CNTN6: variants seen among roughly 807,000 people sequenced by gnomAD.
CNTN6 encodes contactin 6.
In CNTN6, 137 loss-of-function variants were observed where a neutral mutation model predicts 122.8. The observed-to-expected ratio is 1.12, with a 90% CI of 0.97 to 1.29. CNTN6 has a LOEUF of 1.29. CNTN6 is among the 50% of genes most tolerant of loss of function. The pLI, the probability that CNTN6 is intolerant of heterozygous loss-of-function variation, is 0.00. For synonymous variants in CNTN6, 570 were observed against 426.0 expected, an observed-to-expected ratio of 1.34 and a Z score of -4.16; for missense variants, 1,634 against 1,223.4, an observed-to-expected ratio of 1.34 and a Z score of -5.01.
rs556980108 is a variant in CNTN6 at position 1,361,521 on chromosome 3, T to G, written c.1492+9070T>G. ...TTAGTACATTTCTATGTTAGGAATC[T>G]CTACTTCTGTCCAAAATTATACTTA... is the stretch of plus-strand genomic sequence containing the variant. On this transcript the variant is annotated intron_variant, in intron 12 of 22. Coordinates refer to ENST00000446702, the MANE Select transcript of CNTN6 (RefSeq NM_001289080.2). Among the ~76,000 whole-genome samples, 7 of 152,282 alleles carry G rather than the reference T, an allele frequency of 4.6e-5. No homozygotes were observed. In the South Asian group the frequency reaches 1.2e-3, roughly 27 times the overall value.
intron 2 of CNTN6, among the ~76,000 whole-genome samples, chr3:1,206,261 TC>T (rs535062865): frequency 7.2e-4 from 109 of 152,222 alleles, no homozygotes; most frequent in Admixed American, 1.6e-3. Context: ...ATCATCTGTC[TC>T]AGCTGATGAT....
intron 12 of CNTN6, among the ~76,000 whole-genome samples, chr3:1,360,162 T>C (rs990899796): frequency 6.6e-6 from 1 of 152,140 alleles, no homozygotes; most frequent in African/African-American, 2.4e-5. Context: ...TGGTTTAGTT[T>C]GAAGTAGAAT....
At chr3:1,321,909 C>T (rs1700915894) in intron 8 of CNTN6, 75 bp downstream of exon 8, 3 of 1,295,208 alleles carry the variant, frequency 2.3e-6, no homozygotes, top group South Asian at 1.5e-5. Context: ...AAGTCATTAG[C>T]ATGTTGTGAA....
chr3:1,099,208 T>A (rs111950159), intron 1 of CNTN6, among the ~76,000 whole-genome samples: 1 of 152,108 alleles, frequency 6.6e-6, no homozygotes, highest in Admixed American at 6.6e-5. Flanking sequence ...TCCCAGCACT[T>A]TGGGAGGCCG....
chr3:1,402,587 TGATAA>T, intron 22 of CNTN6, 101 bp downstream of exon 22: 1 of 984,840 alleles, frequency 1.0e-6, no homozygotes, highest in Non-Finnish European at 1.4e-6. Context: ...AAATGTTGGG[TGATAA>T]GATAAATTTT....
At chr3:1,261,418 A>C (rs2125708306) in intron 4 of CNTN6, among the ~76,000 whole-genome samples, 1 of 152,272 alleles carries the variant, frequency 6.6e-6, no homozygotes, top group South Asian at 2.1e-4. Context: ...ACAGCTATCA[A>C]GCACATCTCA....
rs531023205 is a variant in CNTN6, at chr3:1,401,516, G to A, written c.2788G>A (p.Glu930Lys). ...CLNWEHVKTM[E>K]NESEVLGYKI... The stretch of plus-strand genomic sequence containing the variant: ...GAACTGGGAGCATGTAAAAACCATG[G>A]AAAATGAGTCTGAAGTTTTGGGGTA... The change falls in exon 21 of 23, where the codon GAA becomes AAA. Residue 930 changes from glutamate to lysine, a missense_variant. Glu to Lys is a moderately conservative substitution (Grantham distance 56, BLOSUM62 1). Coordinates refer to ENST00000446702, the MANE Select transcript of CNTN6 (RefSeq NM_001289080.2). 6.2e-7 allele frequency: 1 copy of A among 1,611,498 alleles called. No homozygotes were observed. Among genetic ancestry groups the A allele is most frequent in the Non-Finnish European group, 8.5e-7 (1 of 1,178,336 alleles).
intron 4 of CNTN6, among the ~76,000 whole-genome samples, chr3:1,272,335 C>G (rs970463725): frequency 1.3e-5 from 2 of 152,172 alleles, no homozygotes; most frequent in Non-Finnish European, 2.9e-5. Flanking sequence ...ATCTGTGAAC[C>G]TCAATTTCCT....
intron 1 of CNTN6, among the ~76,000 whole-genome samples, chr3:1,114,332 T>G (rs1191985806): frequency 6.6e-6 from 1 of 152,172 alleles, no homozygotes; most frequent in Non-Finnish European, 1.5e-5. Context: ...TTAGCTTGCT[T>G]TACTCATCCT....
intron 2 of CNTN6, among the ~76,000 whole-genome samples, chr3:1,206,662 A>T (rs1400130300): frequency 6.6e-6 from 1 of 152,064 alleles, no homozygotes; most frequent in Non-Finnish European, 1.5e-5. Context: ...TTCTTTTTCA[A>T]ATTCACTGTC....
chr3:1,233,617 C>G (rs1559562662), intron 4 of CNTN6, among the ~76,000 whole-genome samples: 1 of 151,280 alleles, frequency 6.6e-6, no homozygotes, highest in Non-Finnish European at 1.5e-5. Flanking sequence ...CACCTGTAAT[C>G]CCAGCTACTC....
At chr3:1,102,250 C>G (rs184448959) in intron 1 of CNTN6, among the ~76,000 whole-genome samples, 1 of 152,110 alleles carries the variant, frequency 6.6e-6, no homozygotes, top group Non-Finnish European at 1.5e-5. Flanking sequence ...ATATGGAGAC[C>G]GCTGAGCTAT....
intron 1 of CNTN6, among the ~76,000 whole-genome samples, chr3:1,099,381 G>T (rs1298779194): frequency 6.6e-6 from 1 of 152,070 alleles, no homozygotes; most frequent in Non-Finnish European, 1.5e-5. Flanking sequence ...AACCCGGGGG[G>T]CGGAGCTTGC....
intron 4 of CNTN6, among the ~76,000 whole-genome samples, chr3:1,262,548 A>G (rs939837129): frequency 1.3e-5 from 2 of 152,152 alleles, no homozygotes; most frequent in Non-Finnish European, 2.9e-5. Flanking sequence ...ACTTTAAGTG[A>G]ATTTCATTTC....
At chr3:1,285,563 A>C (rs3905829) in intron 5 of CNTN6, among the ~76,000 whole-genome samples, 131,960 of 151,938 alleles carry the variant, frequency 0.87, 57,476 homozygotes, top group East Asian at 0.97. Context: ...ACTAGGCACT[A>C]AACTTAGCAT....
chr3:1,308,228 G>C (rs143004598), intron 7 of CNTN6, among the ~76,000 whole-genome samples: 42 of 151,766 alleles, frequency 2.8e-4, no homozygotes, highest in African/African-American at 1.0e-3. Flanking sequence ...TTGCCATTGG[G>C]AGACTTTTAA....
intron 7 of CNTN6, among the ~76,000 whole-genome samples, chr3:1,316,173 C>T (rs1700074105): frequency 6.6e-6 from 1 of 151,804 alleles, no homozygotes; most frequent in Non-Finnish European, 1.5e-5. Context: ...TGTACTATTA[C>T]TAATTACCAT....
intron 1 of CNTN6, among the ~76,000 whole-genome samples, chr3:1,123,393 A>G (rs1244942587): frequency 1.3e-5 from 2 of 151,860 alleles, no homozygotes; most frequent in Non-Finnish European, 2.9e-5. Context: ...TGGGTATTTT[A>G]TCCTTCAGAA....
intron 5 of CNTN6, among the ~76,000 whole-genome samples, chr3:1,293,922 C>G (rs2125857402): frequency 6.6e-6 from 1 of 152,216 alleles, no homozygotes; most frequent in East Asian, 1.9e-4. Context: ...TGCTTTTGCT[C>G]AAAGATTTCT....
Sources: gnomAD v4.1 joint callset for allele counts (sites outside exome capture counted in the v4.1 genomes callset) on GRCh38, gnomAD v4.1.1 for gene constraint, MANE v1.5 for transcripts, NCBI Gene and HGNC (gene_info 2026-07-23, HGNC 2026-07-21) for gene names.